The following ZFX variants were observed in gnomAD, a reference collection of about 807,000 sequenced individuals.
ZFX encodes the protein zinc finger X-chromosomal protein.
For synonymous variants in ZFX, 196 were observed against 226.8 expected, an observed-to-expected ratio of 0.86 and a Z score of 1.22; for missense variants, 362 against 628.3, an observed-to-expected ratio of 0.58 and a Z score of 4.53.
intron 5 of ZFX, among the ~76,000 whole-genome samples, chrX:24,190,070 CATT>C (rs980169249): frequency 7.2e-5 from 8 of 111,633 alleles, no homozygotes; most frequent in Non-Finnish European, 1.5e-4. Context: ...AAATTTATTT[CATT>C]ATTTTTTAAT....
chrX:24,153,026 T>C (rs1259145568), intron 3 of ZFX, among the ~76,000 whole-genome samples, 196 bp downstream of exon 3: 1 of 112,362 alleles, frequency 8.9e-6, no homozygotes, highest in African/African-American at 3.2e-5. Flanking sequence ...TAAAAAAACA[T>C]GCTCACGAAT....
intron 5 of ZFX, among the ~76,000 whole-genome samples, chrX:24,206,512 T>C (rs1019104165): frequency 2.5e-5 from 2 of 80,546 alleles, no homozygotes; most frequent in African/African-American, 1.1e-4. Flanking sequence ...TGTGTGTGTG[T>C]GTGTGTGTGT....
At chrX:24,167,796 C>CTA (rs1403790850) in intron 3 of ZFX, among the ~76,000 whole-genome samples, 1 of 111,324 alleles carries the variant, frequency 9.0e-6, no homozygotes, top group East Asian at 2.8e-4. Context: ...GTAATAAATG[C>CTA]TAGTAAGAAT....
rs762197100 is a variant in ZFX, at chrX:24,173,989, T to A, written c.58+1189T>A. Among the ~76,000 whole-genome samples, 4 of 110,280 alleles carry A rather than the reference T, an allele frequency of 3.6e-5. No homozygotes were observed. In the South Asian group the frequency reaches 1.5e-3, roughly 42 times the overall value. ...ACTTTGGGAGGCTGAGGTGGGTGGA[T>A]CACTTGAGGCCAGGAGTTCAAGACC... On this transcript the variant is annotated intron_variant, in intron 4 of 9. Transcript: ENST00000304543.
At chrX:24,149,086 T>C (rs1931637526), upstream of ZFX, 2 of 79,037 alleles carry the variant, frequency 2.5e-5, no homozygotes, top group Non-Finnish European at 4.6e-5. Flanking sequence ...TTTCATTTTA[T>C]TTCAAAGATT....
chrX:24,157,117 C>G (rs1471027273), intron 3 of ZFX, among the ~76,000 whole-genome samples: 2 of 112,057 alleles, frequency 1.8e-5, no homozygotes, highest in Non-Finnish European at 3.8e-5. Flanking sequence ...TACATAGATT[C>G]ATGTAGATAA....
At chrX:24,203,870 T>C (rs1045416828) in intron 5 of ZFX, among the ~76,000 whole-genome samples, 1 of 112,521 alleles carries the variant, frequency 8.9e-6, no homozygotes, top group African/African-American at 3.2e-5. Context: ...TCTCATCCTC[T>C]CATTTTCTGT....
chrX:24,203,596 A>T (rs1226686428), intron 5 of ZFX, among the ~76,000 whole-genome samples: 1 of 112,543 alleles, frequency 8.9e-6, no homozygotes, highest in East Asian at 2.8e-4. Context: ...GCCTGCAAGG[A>T]TAAAGTCGGA....
chrX:24,206,297 G>A (rs923525681), intron 5 of ZFX, among the ~76,000 whole-genome samples: 1 of 111,948 alleles, frequency 8.9e-6, no homozygotes, highest in Non-Finnish European at 1.9e-5. Context: ...TAGTGACCAC[G>A]AAGTACTGCT....
At chrX:24,190,436 A>G (rs979136395) in intron 5 of ZFX, among the ~76,000 whole-genome samples, 1 of 112,227 alleles carries the variant, frequency 8.9e-6, no homozygotes, top group African/African-American at 3.2e-5. Flanking sequence ...ATAATGTTCA[A>G]TCTAGGTGTT....
At chrX:24,206,347 T>G (rs1445530073) in intron 5 of ZFX, among the ~76,000 whole-genome samples, 1 of 111,428 alleles carries the variant, frequency 9.0e-6, no homozygotes, top group Non-Finnish European at 1.9e-5. Flanking sequence ...TGATTTTACT[T>G]CTAGGACATT....
At chrX:24,163,438 C>T (rs780094855) in intron 3 of ZFX, among the ~76,000 whole-genome samples, 53 of 78,219 alleles carry the variant, frequency 6.8e-4, no homozygotes, top group African/African-American at 2.6e-3. Context: ...AGTGCAATGG[C>T]GCGATCTTGG....
rs1180504870 is a variant in ZFX at position 24,212,823 on chromosome X, G to A, written c.*1447G>A. ...AAAAGGTAAAGATGTGTTTTAAGTG[G>A]ATAAGGAAAGTCTGAGGCCTTATTT... On this transcript the variant is annotated 3_prime_UTR_variant, in exon 10 of 10. Coordinates refer to ENST00000304543, the MANE Select transcript of ZFX (RefSeq NM_003410.4). 1 of 112,635 alleles carries A rather than the reference G, an allele frequency of 8.9e-6. No homozygotes were observed. Among genetic ancestry groups the A allele is most frequent in the African/African-American group, 3.2e-5 (1 of 30,961 alleles). 9.3% of individuals were successfully genotyped at this position (112,635 alleles called of 1,213,427 possible).
intron 5 of ZFX, among the ~76,000 whole-genome samples, chrX:24,201,778 T>C (rs1937313651): frequency 8.9e-6 from 1 of 112,346 alleles, no homozygotes; most frequent in South Asian, 3.7e-4. Flanking sequence ...ACATTAATAT[T>C]GACTCTTTCT....
At chrX:24,177,546 A>T in intron 4 of ZFX, 1 of 245,586 alleles carries the variant, frequency 4.1e-6, no homozygotes, top group Non-Finnish European at 5.7e-6. Flanking sequence ...ACTACTCTCA[A>T]CCTCCACCAC....
Position 24,210,429 on chromosome X carries a change from G to A in ZFX, c.1471G>A (p.Asp491Asn), listed in dbSNP as rs974391730. Residue 491 changes from aspartate to asparagine, a missense_variant, in exon 10 of 10, where the codon GAT becomes AAT. Transcript: ENST00000304543. ...TSKAEKAIEC[D>N]ECGKHFSHAG... ...CAAGGCAGAGAAGGCCATTGAATGC[G>A]ATGAGTGTGGGAAGCATTTCTCTCA... 39 of 1,210,416 alleles carry A rather than the reference G, an allele frequency of 3.2e-5. No homozygotes were observed. The highest frequency in any genetic ancestry group is 7.0e-5 in the African/African-American group (4 of 57,266).
rs1443590971 is a variant in ZFX, at chrX:24,207,704, A to AT, written c.797-6dup. On this transcript the variant is annotated splice_polypyrimidine_tract_variant and splice_region_variant and intron_variant, in intron 6 of 9. Transcript: ENST00000304543. ...ATTATTGAAGCTGTCTTCTTCCCTG[A>AT]TTGATAGGTGGAACTGTAGACATTG... The AT allele has an allele frequency of 8.4e-7, 1 of 1,184,745 alleles. No homozygotes were observed. Among genetic ancestry groups the AT allele is most frequent in the African/African-American group, 1.8e-5 (1 of 57,020 alleles).
upstream of ZFX, chrX:24,149,357 C>T (rs1229571635): frequency 2.7e-5 from 3 of 109,980 alleles, no homozygotes; most frequent in African/African-American, 6.6e-5. Flanking sequence ...ACCGCGGCCC[C>T]GCGCGGGCTT....
intron 5 of ZFX, among the ~76,000 whole-genome samples, chrX:24,197,026 A>G (rs967172028): frequency 2.7e-5 from 3 of 112,857 alleles, no homozygotes; most frequent in Admixed American, 9.4e-5. Flanking sequence ...TGAATTAAAC[A>G]TACAGTTCCT....
Sources: gnomAD v4.1 joint callset for allele counts (sites outside exome capture counted in the v4.1 genomes callset) on GRCh38, gnomAD v4.1.1 for gene constraint, MANE v1.5 for transcripts, NCBI Gene and HGNC (gene_info 2026-07-23, HGNC 2026-07-21) for gene names.